Variants in CAPN12 observed in about 807,000 individuals in gnomAD.
CAPN12 encodes the protein calpain-12.
Under a neutral mutation model 95.0 loss-of-function variants are expected in CAPN12, and 107 were observed. That is an observed-to-expected ratio of 1.13 (90% CI 0.96 to 1.32). The LOEUF (loss-of-function observed/expected upper bound fraction) is 1.32. CAPN12 is among the 40% of genes most tolerant of loss of function. CAPN12 has a pLI of 0.00. For synonymous variants in CAPN12, 505 were observed against 415.5 expected (o/e 1.22, Z -2.62); for missense variants, 1,136 against 997.8 (o/e 1.14, Z -1.87).
chr19:38,738,221 C>T (rs1197687911), intron 8 of CAPN12, 52 bp downstream of exon 8: 9 of 1,524,462 alleles, frequency 5.9e-6, no homozygotes, highest in South Asian at 5.8e-5. Context: ...CCTCCCTGAA[C>T]CCCTTGGCAG....
chr19:38,734,889 C>T lies in CAPN12; in HGVS notation c.1687-19G>A, dbSNP rs763271182. The T allele has an allele frequency of 3.1e-6, 5 of 1,611,784 alleles. No homozygotes were observed. The highest frequency in any genetic ancestry group is 1.1e-5 in the South Asian group (1 of 90,908). ...CTTCCTCCTAGTCCAGGAAAGAGGG[C>T]TTGTGAGGCCATTTACTCATCCAGC... On this transcript the variant is annotated intron_variant, in intron 14 of 20. Coordinates refer to ENST00000328867, the MANE Select transcript of CAPN12 (RefSeq NM_144691.4).
chr19:38,742,251 G>A, intron 3 of CAPN12, 159 bp downstream of exon 3: 1 of 661,740 alleles, frequency 1.5e-6, no homozygotes, highest in Non-Finnish European at 2.6e-6. Context: ...CTTGAACCTG[G>A]GGGCGGGGCG....
Position 38,734,817 on chromosome 19 carries a change from C to G in CAPN12, c.1740G>C (p.Glu580Asp). The change falls in exon 15 of 21, where the codon GAG becomes GAC. Residue 580 changes from glutamate to aspartate, a missense_variant. Transcript: ENST00000328867. The part of the protein sequence containing the change: ...QLQALLSIAL[E>D]PARAHTSTPR... ...CCCCTATCCCAGCCAACTCACCAGGCTCCAGGGCAATGCTTAGTAAGGCCT... is the reference window on the plus strand; with the variant it reads ...CCCCTATCCCAGCCAACTCACCAGGGTCCAGGGCAATGCTTAGTAAGGCCT... 2 of 1,612,608 alleles carry G rather than the reference C, an allele frequency of 1.2e-6. No homozygotes were observed. Among genetic ancestry groups the G allele is most frequent in the Non-Finnish European group, 1.7e-6 (2 of 1,179,790 alleles).
At chr19:38,736,064 C>CTCGGGGGTCTCGGGGGTCTCGGGGG in intron 12 of CAPN12, 46 bp downstream of exon 12, 1 of 1,191,692 alleles carries the variant, frequency 8.4e-7, no homozygotes, top group South Asian at 1.7e-5. Context: ...GGTCTCGGGG[C>CTCGGGGGTCTCGGGGGTCTCGGGGG]CTGTCTAGGC....
rs758954399 is a variant in CAPN12, at chr19:38,734,188, G to C, written c.1832C>G (p.Ala611Gly). 6.2e-7 allele frequency: 1 copy of C among 1,612,960 alleles called. No homozygotes were observed. The highest frequency in any genetic ancestry group is 1.1e-5 in the South Asian group (1 of 91,086). ...LQCFGHGQSL[A>G]LHHFQQLWGY... The stretch of plus-strand genomic sequence containing the variant: ...CCAGAGCTGCTGGAAGTGGTGTAAG[G>C]CCAGGCTTTGCCCATGCTGTGTTGG... Residue 611 changes from alanine to glycine, a missense_variant, in exon 17 of 21, where the codon GCC becomes GGC. Coordinates refer to ENST00000328867, the MANE Select transcript of CAPN12 (RefSeq NM_144691.4).
intron 16 of CAPN12, 56 bp from the exon 17 acceptor site, chr19:38,734,260 G>A (rs1276996308): frequency 6.2e-7 from 1 of 1,607,210 alleles, no homozygotes; most frequent in African/African-American, 1.3e-5. Context: ...AAGGGGAGGA[G>A]AGACCCCAAC....
rs748598906 is a variant in CAPN12, at chr19:38,735,558, A to ATGGGAAG, written c.1584-21_1584-15dup. The ATGGGAAG allele has an allele frequency of 5.3e-5, 85 of 1,606,576 alleles. No individual in the cohort carries two copies. Among genetic ancestry groups the ATGGGAAG allele is most frequent in the South Asian group, 1.8e-4 (16 of 90,558 alleles). ...TCGTCGATCTCCCTGCAAATTACAG[A>ATGGGAAG]TGGGAAGTGGGGAGGGGGCTGTTTG... is the stretch of plus-strand genomic sequence containing the variant. On this transcript the variant is annotated splice_polypyrimidine_tract_variant and intron_variant, in intron 12 of 20. Transcript: ENST00000328867.
At chr19:38,741,564 G>C (rs977600468) in intron 4 of CAPN12, among the ~76,000 whole-genome samples, 1 of 150,376 alleles carries the variant, frequency 6.6e-6, no homozygotes, top group Non-Finnish European at 1.5e-5. Context: ...CAGAGTGAGT[G>C]AGACTCCGTC....
intron 10 of CAPN12, 141 bp from the exon 11 acceptor site, chr19:38,736,704 G>T: frequency 9.2e-7 from 1 of 1,092,556 alleles, no homozygotes; most frequent in Non-Finnish European, 1.3e-6. Context: ...TTGCCCCGCA[G>T]TCCCCGACCC....
chr19:38,741,443 C>CGG (rs1205267605), intron 4 of CAPN12, among the ~76,000 whole-genome samples: 36 of 152,030 alleles, frequency 2.4e-4, no homozygotes, highest in Non-Finnish European at 4.9e-4. Flanking sequence ...CATGGTGGTG[C>CGG]GCTCCTGTAA....
Position 38,735,377 on chromosome 19 carries a change from G to A in CAPN12, c.1679C>T (p.Ala560Val), listed in dbSNP as rs748573958. The change falls in exon 14 of 21, where the codon GCT becomes GTT. Residue 560 changes from alanine to valine, a missense_variant. By Grantham distance (64) the Ala-to-Val change is moderately conservative (BLOSUM62 0). Coordinates refer to ENST00000328867, the MANE Select transcript of CAPN12 (RefSeq NM_144691.4). ...LGLEQLFQEL[A>V]GEEEELNASQ... ...TCCAATCCCCCTCCTCACCTCTCCAGCCAGCTCCTGAAACAGCTGCTCCAA... is the reference window on the plus strand; with the variant it reads ...TCCAATCCCCCTCCTCACCTCTCCAACCAGCTCCTGAAACAGCTGCTCCAA... 2.5e-6 allele frequency: 4 copies of A among 1,599,150 alleles called. No homozygotes were observed. The highest frequency in any genetic ancestry group is 3.4e-6 in the Non-Finnish European group (4 of 1,171,782).
chr19:38,733,578 G>A, intron 18 of CAPN12, 125 bp downstream of exon 18: 1 of 832,378 alleles, frequency 1.2e-6, no homozygotes, highest in South Asian at 1.7e-5. Context: ...CTGGCAACAA[G>A]CTAAGGTGTG....
At chr19:38,732,707 C>T (rs540169155) in intron 18 of CAPN12, among the ~76,000 whole-genome samples, 13 of 152,340 alleles carry the variant, frequency 8.5e-5, no homozygotes, top group African/African-American at 3.1e-4. Context: ...AACCCTCTCC[C>T]TCTGGCTCTC....
intron 6 of CAPN12, 30 bp downstream of exon 6, chr19:38,738,544 C>G: frequency 6.2e-7 from 1 of 1,613,774 alleles, no homozygotes; most frequent in Non-Finnish European, 8.5e-7. Flanking sequence ...CTGGACATGG[C>G]CTGCCACCCC....
At position 38,731,002 on chromosome 19, in the gene CAPN12, T is replaced by C; in HGVS notation, c.2096A>G (p.Asp699Gly). 6.4e-7 allele frequency: 1 copy of C among 1,552,140 alleles called. No homozygotes were observed. The highest frequency in any genetic ancestry group is 2.0e-5 in the Admixed American group (1 of 51,232). ...CIFCHCSQHL[D>G]GGEGVICLTH... ...CAGGCAGATGACCCCCTCACCCCCA[T>C]CCAGGTGCTGGCTGCAGTGGCCTGT... The change falls in exon 20 of 21, where the codon GAT becomes GGT. Residue 699 changes from aspartate to glycine, a missense_variant. Asp to Gly is a moderately conservative substitution (Grantham distance 94). Coordinates refer to ENST00000328867, the MANE Select transcript of CAPN12 (RefSeq NM_144691.4).
At position 38,736,246 on chromosome 19, in the gene CAPN12, G is replaced by GGGGCGAGCGGT; in HGVS notation, c.1436_1446dup (p.Leu483ThrfsTer11). 4 of 1,479,670 alleles carry GGGGCGAGCGGT rather than the reference G, an allele frequency of 2.7e-6. No homozygotes were observed. Among genetic ancestry groups the GGGGCGAGCGGT allele is most frequent in the Non-Finnish European group, 3.6e-6 (4 of 1,123,012 alleles). The allele number at this position is 1,479,670 out of a possible 1,614,324, so 91.7% of individuals were successfully genotyped here. A position where few individuals can be genotyped will look rare whatever the true frequency, so the allele number is the denominator to read the frequency against. Reference sequence around the variant, plus strand: ...CGGGTCACGTCGCGGCGGGCGCTGAGGGGCGAGCGGTCGGCGCGCAGCAGC... The same window carrying GGGGCGAGCGGT: ...CGGGTCACGTCGCGGCGGGCGCTGAGGGGCGAGCGGTGGGCGAGCGGTCGGCGCGCAGCAGC... On this transcript the variant is annotated frameshift_variant, in exon 12 of 21. Coordinates refer to ENST00000328867, the MANE Select transcript of CAPN12 (RefSeq NM_144691.4). LOFTEE classifies it high-confidence loss of function.
intron 18 of CAPN12, 137 bp downstream of exon 18, chr19:38,733,566 G>C (rs1484697833): frequency 1.4e-6 from 1 of 735,708 alleles, no homozygotes; most frequent in Non-Finnish European, 2.3e-6. Flanking sequence ...CCCTGCCAGG[G>C]ACTGGCAACA....
rs374083881 is a variant in CAPN12 at position 38,738,587 on chromosome 19, G to A, written c.791C>T (p.Thr264Met). The A allele has an allele frequency of 1.0e-4, 168 of 1,613,928 alleles. No homozygotes were observed. Among genetic ancestry groups the A allele is most frequent in the African/African-American group, 1.3e-4 (10 of 74,930 alleles). ...GLVKGHAYSI[T>M]GTHKVFLGFT... ...GGGGACACTTACCTTGTGTGTGCCC[G>A]TGATGGAATACGCGTGTCCCTTTAC... The change falls in exon 6 of 21, where the codon ACG becomes ATG. Residue 264 changes from threonine (T) to methionine (M), a missense_variant. By Grantham distance (81) the Thr-to-Met change is moderately conservative. Coordinates refer to ENST00000328867, the MANE Select transcript of CAPN12 (RefSeq NM_144691.4).
intron 12 of CAPN12, 94 bp downstream of exon 12, chr19:38,736,007 CAGGTCTCGG>C (rs1568779293): frequency 2.4e-6 from 1 of 415,942 alleles, no homozygotes; most frequent in East Asian, 5.6e-5. Flanking sequence ...CGGGGCAGGT[CAGGTCTCGG>C]GGGTCTCGGG....
Sources: gnomAD v4.1 joint callset for allele counts (sites outside exome capture counted in the v4.1 genomes callset) on GRCh38, gnomAD v4.1.1 for gene constraint, MANE v1.5 for transcripts, NCBI Gene and HGNC (gene_info 2026-07-23, HGNC 2026-07-21) for gene names.